The following SIK3 variants were observed in gnomAD, a reference collection of about 807,000 sequenced individuals.
SIK3 encodes serine/threonine-protein kinase SIK3.
A neutral mutation model predicts 144.2 loss-of-function variants in SIK3; 28 were observed. That is an observed-to-expected ratio of 0.19 (90% CI 0.14 to 0.27). The LOEUF is 0.27. Ranked by LOEUF, SIK3 falls within the 10% of genes least tolerant of loss-of-function variation. The probability of loss-of-function intolerance (pLI) is 1.00; values close to 1 mark genes in which losing one functional copy is unlikely to be tolerated. For missense variants in SIK3, 1,319 were observed against 1,776.0 expected (o/e 0.74, Z 4.62); for synonymous variants, 686 against 676.3 (o/e 1.01, Z -0.22).
At chr11:116,899,938 T>C (rs1403879793) in intron 4 of SIK3, among the ~76,000 whole-genome samples, 1 of 152,222 alleles carries the variant, frequency 6.6e-6, no homozygotes, top group Non-Finnish European at 1.5e-5. Context: ...GCTTTCCTTC[T>C]TTCTACCTTC....
rs1386828595 is a variant in SIK3 at position 116,941,038 on chromosome 11, G to A, written c.454+13006C>T. Reference sequence around the variant, plus strand: ...TTTGATTTTTTTGAGACGGAGCCTCGCTCTGTCCCCCAGGCTGGAGTGCAG... The same window carrying A: ...TTTGATTTTTTTGAGACGGAGCCTCACTCTGTCCCCCAGGCTGGAGTGCAG... On this transcript the variant is annotated intron_variant, in intron 3 of 24. Coordinates refer to ENST00000445177, the MANE Select transcript of SIK3 (RefSeq NM_001366686.3). Among the ~76,000 whole-genome samples, 5 of 151,954 alleles carry A rather than the reference G, an allele frequency of 3.3e-5. No individual in the cohort carries two copies. The South Asian group carries it at 6.2e-4, about 19-fold the overall frequency.
At chr11:117,071,813 G>GA (rs1458488972) in intron 1 of SIK3, among the ~76,000 whole-genome samples, 3 of 138,534 alleles carry the variant, frequency 2.2e-5, no homozygotes, top group Non-Finnish European at 4.6e-5. Context: ...TTTCAGGAGA[G>GA]AGAGAATCTC....
intron 18 of SIK3, 32 bp from the exon 19 acceptor site, chr11:116,861,415 G>C (rs1802156473): frequency 1.4e-6 from 2 of 1,463,112 alleles, no homozygotes; most frequent in Admixed American, 3.8e-5. Context: ...ACACAAAGAA[G>C]CTTCCTAAGG....
intron 1 of SIK3, among the ~76,000 whole-genome samples, chr11:117,003,019 C>T (rs893378297): frequency 3.9e-5 from 6 of 152,198 alleles, no homozygotes; most frequent in Non-Finnish European, 5.9e-5. Flanking sequence ...TAAGCATACA[C>T]GCCGTGTCAA....
intron 6 of SIK3, among the ~76,000 whole-genome samples, chr11:116,880,278 G>A (rs1377235031): frequency 6.7e-6 from 1 of 149,656 alleles, no homozygotes; most frequent in Admixed American, 6.6e-5. Context: ...CCATTATTTG[G>A]CCTCAGATGC....
At chr11:117,097,848 T>A (rs1955548234) in intron 1 of SIK3, among the ~76,000 whole-genome samples, 1 of 151,620 alleles carries the variant, frequency 6.6e-6, no homozygotes, top group Admixed American at 6.6e-5. Flanking sequence ...TCCGACCCCT[T>A]CTTTCCAATC....
At chr11:117,044,488 T>C (rs1565589293) in intron 1 of SIK3, among the ~76,000 whole-genome samples, 1 of 151,754 alleles carries the variant, frequency 6.6e-6, no homozygotes. Context: ...ACTGCTGACT[T>C]AAGAGATTTA....
intron 3 of SIK3, among the ~76,000 whole-genome samples, chr11:116,936,390 G>T (rs139102822): frequency 1.6e-3 from 241 of 152,176 alleles, no homozygotes; most frequent in African/African-American, 5.7e-3. Flanking sequence ...TGGTCAGGCT[G>T]GTCTCAAACT....
At chr11:117,041,405 A>C (rs1952736956) in intron 1 of SIK3, among the ~76,000 whole-genome samples, 1 of 152,092 alleles carries the variant, frequency 6.6e-6, no homozygotes, top group Non-Finnish European at 1.5e-5. Context: ...GTACTTCAAG[A>C]CCTCTCAAAT....
chr11:116,929,557 C>A (rs1205093876), intron 3 of SIK3, among the ~76,000 whole-genome samples: 1 of 152,178 alleles, frequency 6.6e-6, no homozygotes, highest in Non-Finnish European at 1.5e-5. Flanking sequence ...GTTATACGGG[C>A]CAGAAGCTGC....
chr11:117,094,774 CA>C (rs60547714), intron 1 of SIK3, among the ~76,000 whole-genome samples: 61 of 141,498 alleles, frequency 4.3e-4, no homozygotes, highest in South Asian at 2.3e-3. Flanking sequence ...AGTTTCCTAC[CA>C]AAAAAAAAAA....
At chr11:116,974,409 C>G (rs1565516396) in intron 1 of SIK3, among the ~76,000 whole-genome samples, 1 of 152,068 alleles carries the variant, frequency 6.6e-6, no homozygotes, top group African/African-American at 2.4e-5. Flanking sequence ...CTTTGGAACC[C>G]TTTTTTTCCC....
chr11:116,902,296 A>G (rs929338294), intron 4 of SIK3, among the ~76,000 whole-genome samples: 2 of 152,194 alleles, frequency 1.3e-5, no homozygotes, highest in Admixed American at 6.5e-5. Context: ...TTGAACCACT[A>G]ATGTTTAGTA....
intron 14 of SIK3, 35 bp downstream of exon 14, chr11:116,870,296 G>A (rs1943899423): frequency 6.2e-7 from 1 of 1,613,618 alleles, no homozygotes; most frequent in Admixed American, 1.7e-5. Flanking sequence ...AGCCTGCCCA[G>A]GGGCTTCTGC....
intron 3 of SIK3, among the ~76,000 whole-genome samples, chr11:116,940,395 A>T (rs1948222405): frequency 6.6e-6 from 1 of 151,650 alleles, no homozygotes; most frequent in African/African-American, 2.4e-5. Context: ...ACGCCCAGCT[A>T]ATTTTTGTAT....
chr11:116,898,118 T>C (rs1945520253), intron 4 of SIK3, among the ~76,000 whole-genome samples: 1 of 151,134 alleles, frequency 6.6e-6, no homozygotes, highest in African/African-American at 2.4e-5. Context: ...ATGCTATCCC[T>C]CCCCCGTCCC....
chr11:117,073,807 C>T (rs1954383671), intron 1 of SIK3, among the ~76,000 whole-genome samples: 1 of 152,204 alleles, frequency 6.6e-6, no homozygotes, highest in African/African-American at 2.4e-5. Context: ...CAGTCTTAAG[C>T]CAAAATTGAC....
Position 116,846,382 on chromosome 11 carries a change from C to T in SIK3, c.*13+1G>A. The T allele has an allele frequency of 6.2e-7, 1 of 1,613,522 alleles. No individual in the cohort carries two copies. ...TTGGCTCTGGCCAGGGTGACACTCA[C>T]TCTCTGTTTCTTGTTACACGCCTGC... On this transcript the variant is annotated splice_donor_variant, in intron 24 of 24. Coordinates refer to ENST00000445177, the MANE Select transcript of SIK3 (RefSeq NM_001366686.3). LOFTEE classifies it low-confidence loss of function (3UTR_SPLICE). The surrounding 1 kb of genome is among the most constrained non-coding windows in gnomAD (Gnocchi z 4.1).
intron 3 of SIK3, among the ~76,000 whole-genome samples, chr11:116,929,532 A>G (rs1430707766): frequency 6.6e-6 from 1 of 152,230 alleles, no homozygotes; most frequent in East Asian, 1.9e-4. Context: ...AAGTGATTGG[A>G]AAGTTCTCAA....
Sources: gnomAD v4.1 joint callset for allele counts (sites outside exome capture counted in the v4.1 genomes callset) on GRCh38, gnomAD v4.1.1 for gene constraint, Gnocchi (gnomAD v3.1) non-coding constraint, MANE v1.5 for transcripts, NCBI Gene and HGNC (gene_info 2026-07-23, HGNC 2026-07-21) for gene names.